The following SMYD3 variants were observed in gnomAD, a reference collection of about 807,000 sequenced individuals.
The protein encoded by SMYD3 is SET and MYND domain containing 3, also known as histone-lysine N-methyltransferase SMYD3.
Under a neutral mutation model 57.7 loss-of-function variants are expected in SMYD3, and 36 were observed. That is an observed-to-expected ratio of 0.62 (90% CI 0.48 to 0.82). The LOEUF is 0.82. Among genes scored for constraint, SMYD3 ranks in the 40% least tolerant of loss-of-function variants. The pLI is 0.00. For missense variants in SMYD3, 515 were observed against 538.8 expected, an observed-to-expected ratio of 0.96 and a Z score of 0.44; for synonymous variants, 211 against 195.0, an observed-to-expected ratio of 1.08 and a Z score of -0.68.
intron 8 of SMYD3, among the ~76,000 whole-genome samples, chr1:245,906,875 G>A (rs2054599915): frequency 6.6e-6 from 1 of 152,202 alleles, no homozygotes; most frequent in Admixed American, 6.5e-5. Flanking sequence ...TCCATTAAGT[G>A]AAATACCAGT....
At chr1:245,770,594 A>C (rs2046294943) in intron 10 of SMYD3, among the ~76,000 whole-genome samples, 1 of 152,234 alleles carries the variant, frequency 6.6e-6, no homozygotes. Context: ...TTTCTGTATA[A>C]TGTTCTGCAT....
At chr1:245,912,741 G>C (rs2055090027) in intron 8 of SMYD3, among the ~76,000 whole-genome samples, 1 of 152,108 alleles carries the variant, frequency 6.6e-6, no homozygotes, top group South Asian at 2.1e-4. Flanking sequence ...AAGGCACCAA[G>C]AACACACAGT....
At chr1:246,493,054 C>T (rs906625246) in intron 1 of SMYD3, among the ~76,000 whole-genome samples, 6 of 151,992 alleles carry the variant, frequency 3.9e-5, no homozygotes, top group East Asian at 3.8e-4. Flanking sequence ...TTAATGCCAC[C>T]GAAGGGTACA....
chr1:246,232,406 A>T (rs2063422864), intron 5 of SMYD3, among the ~76,000 whole-genome samples: 1 of 152,028 alleles, frequency 6.6e-6, no homozygotes, highest in Non-Finnish European at 1.5e-5. Context: ...TGCTCCCTTT[A>T]AAGAACATAT....
At chr1:245,801,169 G>A (rs1357694499) in intron 10 of SMYD3, among the ~76,000 whole-genome samples, 1 of 152,176 alleles carries the variant, frequency 6.6e-6, no homozygotes, top group Non-Finnish European at 1.5e-5. Flanking sequence ...TTGTCTGGGT[G>A]TGCTACGTAT....
intron 5 of SMYD3, among the ~76,000 whole-genome samples, chr1:246,240,102 C>G (rs1558341273): frequency 6.6e-6 from 1 of 152,024 alleles, no homozygotes; most frequent in Admixed American, 6.6e-5. Flanking sequence ...TAATTCGAAC[C>G]CATTTGTCTA....
chr1:245,871,244 TTGAC>T (rs758967949), intron 8 of SMYD3, among the ~76,000 whole-genome samples: 19 of 152,336 alleles, frequency 1.2e-4, no homozygotes, highest in South Asian at 2.1e-4. Context: ...TGCAGTGTCT[TTGAC>T]TGAGGTAGTC....
intron 10 of SMYD3, among the ~76,000 whole-genome samples, chr1:245,804,732 G>A (rs1355148292): frequency 2.0e-5 from 3 of 152,088 alleles, no homozygotes; most frequent in East Asian, 1.9e-4. Flanking sequence ...ATTCTGCCAC[G>A]TGAGGACACA....
chr1:246,161,677 T>C (rs2062122593), intron 5 of SMYD3, among the ~76,000 whole-genome samples: 3 of 152,258 alleles, frequency 2.0e-5, no homozygotes, highest in African/African-American at 7.2e-5. Context: ...ATCAAATGTA[T>C]GGCTTAAAAG....
intron 5 of SMYD3, among the ~76,000 whole-genome samples, chr1:245,940,908 T>C (rs2057215581): frequency 6.6e-6 from 1 of 152,150 alleles, no homozygotes; most frequent in African/African-American, 2.4e-5. Context: ...GCAAAGAAGC[T>C]AAGAACCATG....
intron 1 of SMYD3, among the ~76,000 whole-genome samples, chr1:246,501,295 G>A (rs921844222): frequency 3.3e-5 from 5 of 152,178 alleles, no homozygotes; most frequent in African/African-American, 1.2e-4. Context: ...GGTTATTTTA[G>A]CCAATGTGAG....
intron 8 of SMYD3, among the ~76,000 whole-genome samples, chr1:245,892,943 T>G (rs2148587826): frequency 6.6e-6 from 1 of 152,264 alleles, no homozygotes; most frequent in Non-Finnish European, 1.5e-5. Flanking sequence ...AAAGACCAGC[T>G]GCAAACTGAG....
intron 5 of SMYD3, among the ~76,000 whole-genome samples, chr1:246,255,820 T>C (rs1441731010): frequency 6.6e-6 from 1 of 151,498 alleles, no homozygotes; most frequent in Non-Finnish European, 1.5e-5. Context: ...ACTGATTCAA[T>C]GTCAGAACTC....
intron 5 of SMYD3, among the ~76,000 whole-genome samples, chr1:246,266,617 T>C (rs543548443): frequency 5.3e-5 from 8 of 152,158 alleles, no homozygotes; most frequent in Admixed American, 2.0e-4. Context: ...GAATAGTCTC[T>C]GAAACAGTAA....
In SMYD3 at chr1:246,023,807, C is replaced by CTGTGTGTGTGTGTGTGTGTGTG. The variant is rs201726897; in HGVS notation, c.532-93892_532-93871dup. 8.0e-3 allele frequency among the ~76,000 whole-genome samples: 1,112 copies of CTGTGTGTGTGTGTGTGTGTGTG among 139,584 alleles called. 10 individuals are homozygous for CTGTGTGTGTGTGTGTGTGTGTG. Among genetic ancestry groups the CTGTGTGTGTGTGTGTGTGTGTG allele is most frequent in the African/African-American group, 0.018 (642 of 36,282 alleles). The allele number at this position is 139,584 out of a possible 152,430, so 91.6% of individuals were successfully genotyped here. On this transcript the variant is annotated intron_variant, in intron 5 of 11. Coordinates refer to ENST00000490107, the MANE Select transcript of SMYD3 (RefSeq NM_001167740.2). The stretch of plus-strand genomic sequence containing the variant: ...CCCACTTCACAGGACTATTACAAAA[C>CTGTGTGTGTGTGTGTGTGTGTG]TGTGTGTGTGTGTGTGTGTGTGTGT...
At chr1:245,817,156 C>A (rs1454825718) in intron 10 of SMYD3, among the ~76,000 whole-genome samples, 2 of 150,452 alleles carry the variant, frequency 1.3e-5, no homozygotes, top group African/African-American at 4.9e-5. Flanking sequence ...TGTCTGACAG[C>A]TTTGAAGAGA....
At chr1:246,445,136 A>G (rs1374918286) in intron 1 of SMYD3, among the ~76,000 whole-genome samples, 2 of 152,248 alleles carry the variant, frequency 1.3e-5, no homozygotes, top group African/African-American at 2.4e-5. Flanking sequence ...ACTTAGCACA[A>G]AACGTAGCAT....
intron 5 of SMYD3, among the ~76,000 whole-genome samples, chr1:246,278,333 A>G (rs549964328): frequency 6.6e-6 from 1 of 152,120 alleles, no homozygotes; most frequent in East Asian, 1.9e-4. Flanking sequence ...CCTTTGTACA[A>G]TCCCCTCGCC....
intron 10 of SMYD3, among the ~76,000 whole-genome samples, chr1:245,792,091 G>C (rs1416734074): frequency 1.3e-5 from 2 of 151,894 alleles, no homozygotes; most frequent in Non-Finnish European, 1.5e-5. Context: ...TTTGTACCTA[G>C]AGGGTTTACA....
Sources: allele counts gnomAD v4.1 joint callset (sites outside exome capture counted in the v4.1 genomes callset), GRCh38; gene constraint gnomAD v4.1.1; transcripts MANE v1.5; gene names NCBI Gene and HGNC (gene_info 2026-07-23, HGNC 2026-07-21).